Variants in C12orf42 observed in about 807,000 individuals in gnomAD.
The protein encoded by C12orf42 is uncharacterized protein C12orf42.
In C12orf42, 25 loss-of-function variants were observed where a neutral mutation model predicts 21.6. The ratio of observed to expected loss-of-function variants is 1.16; its 90% CI spans 0.84 to 1.62. The LOEUF is 1.62. C12orf42 is among the 40% of genes most tolerant of loss of function. C12orf42 has a pLI of 0.00. For missense variants in C12orf42, 483 were observed against 459.3 expected (o/e 1.05, Z -0.47); for synonymous variants, 174 against 175.0 (o/e 0.99, Z 0.05).
chr12:103,428,006 T>G (rs1949977569), intron 2 of C12orf42, among the ~76,000 whole-genome samples: 1 of 152,040 alleles, frequency 6.6e-6, no homozygotes, highest in Admixed American at 6.6e-5. Flanking sequence ...GCACTAAATG[T>G]ACACAGGAGA....
At position 103,455,643 on chromosome 12, in the gene C12orf42, C is replaced by T. The variant is rs532556163; in HGVS notation, c.78+22706G>A. Among the ~76,000 whole-genome samples, 4 of 152,210 alleles carry T rather than the reference C, an allele frequency of 2.6e-5. No homozygotes were observed. The South Asian group carries it at 8.3e-4, about 32-fold the overall frequency. On this transcript the variant is annotated intron_variant, in intron 2 of 5. Transcript: ENST00000548883. Reference sequence around the variant, plus strand: ...TGTGAGGTTCCTCTTCTACTTTCATCGATTTTACCTTAAGAATAAACTGAT... The same window carrying T: ...TGTGAGGTTCCTCTTCTACTTTCATTGATTTTACCTTAAGAATAAACTGAT...
upstream of C12orf42, among the ~76,000 whole-genome samples, chr12:103,499,072 A>C (rs1352121793): frequency 1.3e-5 from 2 of 152,158 alleles, no homozygotes; most frequent in Non-Finnish European, 2.9e-5. Flanking sequence ...AGAGAGTAGA[A>C]TGGTAGTTGA....
Position 103,371,761 on chromosome 12 carries a change from C to T in C12orf42, c.148-2763G>A, listed in dbSNP as rs146236562. 7.3e-3 allele frequency among the ~76,000 whole-genome samples: 1,103 copies of T among 152,116 alleles called. 4 individuals are homozygous for T. The highest frequency in any genetic ancestry group is 0.011 in the Non-Finnish European group (777 of 67,994). Reference sequence around the variant, plus strand: ...GCAGGGGTTATAAAATCATGTAGGCCCACATCCAAGTCTCATCTCCACATC... The same window carrying T: ...GCAGGGGTTATAAAATCATGTAGGCTCACATCCAAGTCTCATCTCCACATC... On this transcript the variant is annotated intron_variant, in intron 3 of 5. Transcript: ENST00000548883.
At chr12:103,243,031 AT>A (rs1162542528) in intron 10 of C12orf42, among the ~76,000 whole-genome samples, 1 of 151,840 alleles carries the variant, frequency 6.6e-6, no homozygotes, top group African/African-American at 2.4e-5. Context: ...GTTATGGGAA[AT>A]TTTTTTTAAG....
the C12orf42 span, among the ~76,000 whole-genome samples, chr12:103,515,194 A>G: frequency 6.6e-6 from 1 of 152,194 alleles, no homozygotes; most frequent in Non-Finnish European, 1.5e-5. Flanking sequence ...TAAATATAAA[A>G]TCAGAGAAGC....
At chr12:103,136,114 T>C in the C12orf42 span, among the ~76,000 whole-genome samples, 1 of 152,164 alleles carries the variant, frequency 6.6e-6, no homozygotes, top group Non-Finnish European at 1.5e-5. Context: ...ATTATTCCTC[T>C]TTGCAGTGAA....
At chr12:103,195,992 T>C in the C12orf42 span, among the ~76,000 whole-genome samples, 5 of 152,124 alleles carry the variant, frequency 3.3e-5, no homozygotes, top group Non-Finnish European at 7.4e-5. Context: ...CCAGTTTCAA[T>C]CTTCTGCACA....
At chr12:103,106,485 G>A in the C12orf42 span, among the ~76,000 whole-genome samples, 1 of 151,908 alleles carries the variant, frequency 6.6e-6, no homozygotes, top group Non-Finnish European at 1.5e-5. Flanking sequence ...AAAAAAATAT[G>A]GAATTATAAT....
chr12:103,398,336 A>T (rs2047703692), intron 3 of C12orf42, among the ~76,000 whole-genome samples: 1 of 152,220 alleles, frequency 6.6e-6, no homozygotes, highest in Non-Finnish European at 1.5e-5. Context: ...TTGTCAATTC[A>T]TATCCTTTGC....
chr12:103,288,276 T>C (rs904776922), intron 4 of C12orf42, among the ~76,000 whole-genome samples: 1 of 152,192 alleles, frequency 6.6e-6, no homozygotes, highest in Admixed American at 6.5e-5. Flanking sequence ...TTAGGGATTT[T>C]GTAACTTAGC....
chr12:103,488,820 C>A (rs1955005150), intron 1 of C12orf42, among the ~76,000 whole-genome samples: 1 of 152,190 alleles, frequency 6.6e-6, no homozygotes. Context: ...AAGGTCTTCT[C>A]TACACTGTTT....
chr12:103,502,106 C>T, the C12orf42 span, among the ~76,000 whole-genome samples: 2 of 152,146 alleles, frequency 1.3e-5, no homozygotes, highest in African/African-American at 2.4e-5. Context: ...CACCTGGACC[C>T]TATCTTCCTC....
intron 4 of C12orf42, among the ~76,000 whole-genome samples, chr12:103,367,785 T>C (rs1418080301): frequency 6.6e-6 from 1 of 152,006 alleles, no homozygotes; most frequent in Non-Finnish European, 1.5e-5. Context: ...CAAAAAAATT[T>C]TCAGTTCTTT....
intron 1 of C12orf42, among the ~76,000 whole-genome samples, chr12:103,484,849 G>A (rs1482072804): frequency 6.7e-6 from 1 of 149,116 alleles, no homozygotes; most frequent in Non-Finnish European, 1.5e-5. Flanking sequence ...GTGTAAGGAA[G>A]GGATCTGGTT....
chr12:103,178,331 C>T, the C12orf42 span: 9 of 152,196 alleles, frequency 5.9e-5, no homozygotes, highest in Non-Finnish European at 1.3e-4. Flanking sequence ...GTGGCACTCA[C>T]TCGGTGCCCT....
At chr12:103,272,476 C>T (rs2035529445) in intron 5 of C12orf42, among the ~76,000 whole-genome samples, 2 of 152,166 alleles carry the variant, frequency 1.3e-5, no homozygotes, top group Non-Finnish European at 2.9e-5. Context: ...GTATCTGCCT[C>T]CATGGCTTGA....
chr12:103,169,433 A>T, the C12orf42 span, among the ~76,000 whole-genome samples: 35 of 152,148 alleles, frequency 2.3e-4, no homozygotes, highest in African/African-American at 8.4e-4. Context: ...AAAAAAAAAA[A>T]ATCAGAACAT....
At chr12:103,077,372 T>A in the C12orf42 span, among the ~76,000 whole-genome samples, 16 of 152,320 alleles carry the variant, frequency 1.1e-4, no homozygotes, top group African/African-American at 3.6e-4. Flanking sequence ...ATAATAGTAG[T>A]AAGCAAAAAC....
chr12:103,192,193 G>T, the C12orf42 span, among the ~76,000 whole-genome samples: 3 of 152,048 alleles, frequency 2.0e-5, no homozygotes, highest in Non-Finnish European at 4.4e-5. Context: ...CCAATTATAT[G>T]CCACCAACAA....
Sources: allele counts gnomAD v4.1 joint callset (sites outside exome capture counted in the v4.1 genomes callset), GRCh38; gene constraint gnomAD v4.1.1; transcripts MANE v1.5; gene names NCBI Gene and HGNC (gene_info 2026-07-23, HGNC 2026-07-21).